ANKS1B: variants seen among roughly 807,000 people sequenced by gnomAD.
The protein encoded by ANKS1B is ankyrin repeat and sterile alpha motif domain containing 1B, also known as ankyrin repeat and sterile alpha motif domain-containing protein 1B.
A neutral mutation model predicts 148.3 loss-of-function variants in ANKS1B; 36 were observed. The observed-to-expected ratio is 0.24, with a 90% CI of 0.19 to 0.32. The LOEUF (loss-of-function observed/expected upper bound fraction) is 0.32. ANKS1B is among the 10% of genes least tolerant of loss of function. The pLI is 1.00. For missense variants in ANKS1B, 1,157 were observed against 1,542.6 expected (o/e 0.75, Z 4.19); for synonymous variants, 542 against 560.8 (o/e 0.97, Z 0.47).
At chr12:99,309,050 A>T (rs2154024784) in intron 12 of ANKS1B, among the ~76,000 whole-genome samples, 1 of 151,740 alleles carries the variant, frequency 6.6e-6, no homozygotes, top group Non-Finnish European at 1.5e-5. Flanking sequence ...TACAGCTAGG[A>T]ACCTGGCTAA....
At chr12:99,637,429 G>A (rs1431061894) in intron 9 of ANKS1B, among the ~76,000 whole-genome samples, 4 of 152,130 alleles carry the variant, frequency 2.6e-5, no homozygotes, top group African/African-American at 7.2e-5. Flanking sequence ...ATGTCAACTC[G>A]ATTGGATTGA....
At chr12:99,149,588 G>T (rs942649977) in intron 15 of ANKS1B, among the ~76,000 whole-genome samples, 1 of 152,152 alleles carries the variant, frequency 6.6e-6, no homozygotes, top group Non-Finnish European at 1.5e-5. Context: ...TTTAAAAAAT[G>T]AGTTGGTAAT....
chr12:98,914,754 A>G (rs2099791888), intron 17 of ANKS1B, among the ~76,000 whole-genome samples: 1 of 151,830 alleles, frequency 6.6e-6, no homozygotes, highest in African/African-American at 2.4e-5. Context: ...AGGTATCTGC[A>G]TGTATCTGCA....
rs2097513660 is a variant in ANKS1B, at chr12:99,575,866, A to G, written c.1273-71225T>C. Among the ~76,000 whole-genome samples, 7 of 152,280 alleles carry G rather than the reference A, an allele frequency of 4.6e-5. No homozygotes were observed. In the South Asian group the frequency reaches 1.4e-3, roughly 32 times the overall value. ...AATAAAGTCTACATAACAACCAGGT[A>G]AAAACACAATGACAGGATCAAACAC... On this transcript the variant is annotated intron_variant, in intron 9 of 26. Transcript: ENST00000683438.
At chr12:99,915,453 G>C (rs1223830813) in intron 1 of ANKS1B, among the ~76,000 whole-genome samples, 1 of 152,146 alleles carries the variant, frequency 6.6e-6, no homozygotes, top group Non-Finnish European at 1.5e-5. Context: ...GCAATCTCTG[G>C]TGATTCATAA....
intron 12 of ANKS1B, among the ~76,000 whole-genome samples, chr12:99,381,200 G>A: frequency 6.6e-6 from 1 of 152,180 alleles, no homozygotes; most frequent in South Asian, 2.1e-4. Context: ...GTTGTATCAA[G>A]CCACCCAGTT....
chr12:99,188,504 C>T (rs538551726), intron 14 of ANKS1B, among the ~76,000 whole-genome samples: 217 of 152,244 alleles, frequency 1.4e-3, no homozygotes, highest in African/African-American at 5.1e-3. Context: ...TCTCTCAGAC[C>T]ACAGTGCAAT....
chr12:99,209,112 C>T (rs1438652197), intron 14 of ANKS1B, among the ~76,000 whole-genome samples: 1 of 152,134 alleles, frequency 6.6e-6, no homozygotes, highest in Non-Finnish European at 1.5e-5. Context: ...TCTGTAGGTA[C>T]TGTGGGTAAA....
intron 9 of ANKS1B, among the ~76,000 whole-genome samples, chr12:99,565,010 A>G (rs936867553): frequency 6.6e-6 from 1 of 152,194 alleles, no homozygotes; most frequent in Non-Finnish European, 1.5e-5. Flanking sequence ...ATATTTGGAT[A>G]CCCAATCAAG....
At chr12:99,632,727 C>CCATATATATATATA (rs2098175150) in intron 9 of ANKS1B, among the ~76,000 whole-genome samples, 1 of 39,052 alleles carries the variant, frequency 2.6e-5, no homozygotes, top group Non-Finnish European at 5.6e-5. Flanking sequence ...CCTTTTCTTT[C>CCATATATATATATA]TATATATATA....
intron 11 of ANKS1B, among the ~76,000 whole-genome samples, chr12:99,432,609 A>C (rs1457222367): frequency 6.6e-6 from 1 of 152,206 alleles, no homozygotes; most frequent in Non-Finnish European, 1.5e-5. Flanking sequence ...GGGAGTGAAA[A>C]TTGTTATAAA....
At chr12:99,006,167 A>G (rs1429190357) in intron 17 of ANKS1B, among the ~76,000 whole-genome samples, 1 of 152,202 alleles carries the variant, frequency 6.6e-6, no homozygotes, top group Non-Finnish European at 1.5e-5. Flanking sequence ...AGAGAGCACA[A>G]ACCTCCAAAA....
At chr12:99,764,209 T>C (rs981433681) in intron 8 of ANKS1B, among the ~76,000 whole-genome samples, 11 of 152,156 alleles carry the variant, frequency 7.2e-5, no homozygotes, top group African/African-American at 2.7e-4. Context: ...CACACACAGA[T>C]TAATATTTTC....
intron 8 of ANKS1B, among the ~76,000 whole-genome samples, chr12:99,772,163 T>TG (rs1319729799): frequency 6.6e-6 from 1 of 152,128 alleles, no homozygotes; most frequent in East Asian, 1.9e-4. Context: ...TAGTTTTTCT[T>TG]GCTTTTGTGT....
intron 12 of ANKS1B, among the ~76,000 whole-genome samples, chr12:99,289,033 C>T (rs1054373413): frequency 1.1e-4 from 16 of 151,802 alleles, no homozygotes; most frequent in African/African-American, 3.4e-4. Context: ...AAACATTTCA[C>T]CTATAAAAAC....
At chr12:98,941,892 T>C (rs1244866137) in intron 17 of ANKS1B, among the ~76,000 whole-genome samples, 1 of 152,206 alleles carries the variant, frequency 6.6e-6, no homozygotes, top group Non-Finnish European at 1.5e-5. Flanking sequence ...AGTTTAAACG[T>C]AAACAGCCAA....
At chr12:99,478,751 T>C (rs1420472008) in intron 10 of ANKS1B, among the ~76,000 whole-genome samples, 2 of 152,048 alleles carry the variant, frequency 1.3e-5, no homozygotes, top group African/African-American at 4.8e-5. Flanking sequence ...ACAGTACCAA[T>C]AACCGATTGT....
chr12:99,931,087 C>T (rs954088555), intron 1 of ANKS1B, among the ~76,000 whole-genome samples: 5 of 151,792 alleles, frequency 3.3e-5, no homozygotes, highest in Non-Finnish European at 5.9e-5. Flanking sequence ...CAAACTATCA[C>T]AAGGACAAAA....
At chr12:99,254,709 A>G (rs911870168) in intron 12 of ANKS1B, among the ~76,000 whole-genome samples, 4 of 152,294 alleles carry the variant, frequency 2.6e-5, no homozygotes, top group Middle Eastern at 3.4e-3. Flanking sequence ...GTTGCTGAGA[A>G]TTTTAATTGT....
Sources: allele counts gnomAD v4.1 joint callset (sites outside exome capture counted in the v4.1 genomes callset), GRCh38; gene constraint gnomAD v4.1.1; transcripts MANE v1.5; gene names NCBI Gene and HGNC (gene_info 2026-07-23, HGNC 2026-07-21).